The following RBMS3 variants were observed in gnomAD, a reference collection of about 807,000 sequenced individuals.
The protein encoded by RBMS3 is RNA-binding motif, single-stranded-interacting protein 3.
In RBMS3, 27 loss-of-function variants were observed where a neutral mutation model predicts 66.8. The ratio of observed to expected loss-of-function variants is 0.40; its 90% CI spans 0.30 to 0.56. The LOEUF is 0.56. RBMS3 is among the 20% of genes least tolerant of loss of function. RBMS3 has a pLI of 0.40. For synonymous variants in RBMS3, 188 were observed against 183.0 expected (o/e 1.03, Z -0.22); for missense variants, 513 against 549.5 (o/e 0.93, Z 0.66).
rs965492929 is a variant in RBMS3 at position 29,835,022 on chromosome 3, C to T, written c.638-33836C>T. ...GACAAAATGGACTTTTAAGTAAAAA[C>T]TGGAAAAAAGAAACAATAAAGGTCA... On this transcript the variant is annotated intron_variant, in intron 6 of 14. Coordinates refer to ENST00000383767, the MANE Select transcript of RBMS3 (RefSeq NM_001003793.3). 2.0e-5 allele frequency among the ~76,000 whole-genome samples: 3 copies of T among 151,898 alleles called. No homozygotes were observed. In the East Asian group the frequency reaches 5.8e-4, roughly 29 times the overall value.
chr3:29,401,564 T>A (rs2039811614), intron 1 of RBMS3, among the ~76,000 whole-genome samples: 1 of 152,068 alleles, frequency 6.6e-6, no homozygotes, highest in Non-Finnish European at 1.5e-5. Context: ...TTAGGGCATG[T>A]TTTAAGAGGA....
intron 4 of RBMS3, among the ~76,000 whole-genome samples, chr3:29,598,194 A>G (rs1311824197): frequency 2.0e-5 from 3 of 152,172 alleles, no homozygotes; most frequent in Non-Finnish European, 4.4e-5. Context: ...AATATCAAAC[A>G]AAGTTAAGTT....
intron 6 of RBMS3, among the ~76,000 whole-genome samples, chr3:29,791,730 C>A (rs1375431136): frequency 6.6e-6 from 1 of 152,126 alleles, no homozygotes; most frequent in Non-Finnish European, 1.5e-5. Context: ...TCTTGTAGAA[C>A]ATCCTGACAG....
intron 4 of RBMS3, among the ~76,000 whole-genome samples, chr3:29,652,819 T>C (rs1244881320): frequency 2.0e-5 from 3 of 152,190 alleles, no homozygotes; most frequent in African/African-American, 4.8e-5. Flanking sequence ...TATGGAAATG[T>C]AAACTTCACA....
rs961667598 is a variant in RBMS3 at position 29,435,046 on chromosome 3, C to G, written c.248+131C>G. ...GGAAGACTCTTCTTTACAAACAGGA[C>G]TTAAATTTGAGATTCAATGCTAGTT... On this transcript the variant is annotated intron_variant, in intron 2 of 14. Transcript: ENST00000383767. 4.1e-6 allele frequency: 4 copies of G among 979,898 alleles called. No individual in the cohort carries two copies. The Admixed American group carries it at 1.2e-4, about 28-fold the overall frequency. The allele number at this position is 979,898 out of a possible 1,614,324, so 60.7% of individuals were successfully genotyped here.
chr3:29,970,457 G>T (rs1021064937), intron 12 of RBMS3, among the ~76,000 whole-genome samples: 5 of 151,414 alleles, frequency 3.3e-5, no homozygotes, highest in African/African-American at 1.2e-4. Context: ...ATTTTTTTTC[G>T]AAGCTAATTC....
chr3:29,593,962 T>C (rs1366026712), intron 4 of RBMS3, among the ~76,000 whole-genome samples: 1 of 152,198 alleles, frequency 6.6e-6, no homozygotes, highest in Non-Finnish European at 1.5e-5. Context: ...AAATAGGATA[T>C]GGAGATGGTA....
At chr3:29,301,013 G>A (rs961732439) in intron 1 of RBMS3, among the ~76,000 whole-genome samples, 1 of 151,870 alleles carries the variant, frequency 6.6e-6, no homozygotes. Context: ...ATGATATGAA[G>A]ATTGGAAAAA....
At chr3:29,736,714 A>G (rs541722558) in intron 4 of RBMS3, among the ~76,000 whole-genome samples, 1 of 152,162 alleles carries the variant, frequency 6.6e-6, no homozygotes, top group South Asian at 2.1e-4. Context: ...TGGGACTCAG[A>G]AATCACATCA....
At chr3:29,346,983 C>A (rs2036614417) in intron 1 of RBMS3, among the ~76,000 whole-genome samples, 2 of 152,062 alleles carry the variant, frequency 1.3e-5, no homozygotes, top group Non-Finnish European at 2.9e-5. Flanking sequence ...CAAGTTCTTG[C>A]CAGATTTCAG....
chr3:29,947,136 A>C (rs1695378334), intron 12 of RBMS3, among the ~76,000 whole-genome samples: 1 of 151,620 alleles, frequency 6.6e-6, no homozygotes, highest in African/African-American at 2.4e-5. Context: ...TACTAACTAC[A>C]ATGTAGTTAG....
intron 1 of RBMS3, among the ~76,000 whole-genome samples, chr3:29,427,384 C>T (rs1390070304): frequency 2.0e-5 from 3 of 152,308 alleles, no homozygotes; most frequent in Non-Finnish European, 4.4e-5. Context: ...TATTCATATT[C>T]ACCCTCATTT....
At chr3:29,729,425 G>A (rs1298421343) in intron 4 of RBMS3, among the ~76,000 whole-genome samples, 3 of 152,012 alleles carry the variant, frequency 2.0e-5, no homozygotes, top group African/African-American at 7.3e-5. Context: ...CTTTGCTATT[G>A]TGAATAGTGC....
At chr3:29,702,915 A>C (rs1335614492) in intron 4 of RBMS3, among the ~76,000 whole-genome samples, 3 of 152,178 alleles carry the variant, frequency 2.0e-5, no homozygotes, top group Admixed American at 6.5e-5. Flanking sequence ...CCAAGAACCC[A>C]CCAATTCCGG....
intron 6 of RBMS3, among the ~76,000 whole-genome samples, chr3:29,776,604 C>T (rs2056436265): frequency 6.6e-6 from 1 of 151,968 alleles, no homozygotes. Flanking sequence ...TATAGCCCCA[C>T]AAAGAATTCT....
intron 1 of RBMS3, among the ~76,000 whole-genome samples, chr3:29,361,970 T>C (rs996930789): frequency 5.9e-5 from 9 of 152,204 alleles, no homozygotes; most frequent in African/African-American, 1.9e-4. Flanking sequence ...TCAAGGTTTT[T>C]AACTTCTTTG....
Position 29,884,219 on chromosome 3 carries a change from C to A in RBMS3, c.791+11C>A, listed in dbSNP as rs1047425291. The stretch of plus-strand genomic sequence containing the variant: ...TGCCATACAGAATGGGTAAGTAGAT[C>A]ACATTTTCTCTATTTTAATTGTGAA... On this transcript the variant is annotated intron_variant, in intron 8 of 14. Transcript: ENST00000383767. The A allele has an allele frequency of 6.2e-7, 1 of 1,601,322 alleles. No individual in the cohort carries two copies. The highest frequency in any genetic ancestry group is 8.5e-7 in the Non-Finnish European group (1 of 1,169,604).
intron 4 of RBMS3, chr3:29,641,251 A>G (rs1209582786): frequency 6.6e-6 from 1 of 151,998 alleles, no homozygotes; most frequent in Non-Finnish European, 1.5e-5. Context: ...ATATTGTTCA[A>G]AAAAATTATT....
chr3:29,583,035 G>T (rs949872766), intron 3 of RBMS3, among the ~76,000 whole-genome samples: 1 of 151,914 alleles, frequency 6.6e-6, no homozygotes, highest in South Asian at 2.1e-4. Flanking sequence ...TATCCCCCTT[G>T]GCTTGGAACC....
Sources: allele counts gnomAD v4.1 joint callset (sites outside exome capture counted in the v4.1 genomes callset), GRCh38; gene constraint gnomAD v4.1.1; transcripts MANE v1.5; gene names NCBI Gene and HGNC (gene_info 2026-07-23, HGNC 2026-07-21).